SLC2A13: variants seen among roughly 807,000 people sequenced by gnomAD.
SLC2A13 encodes solute carrier family 2 member 13, also known as proton myo-inositol cotransporter.
In SLC2A13, 32 loss-of-function variants were observed where a neutral mutation model predicts 64.4. That is an observed-to-expected ratio of 0.50 (90% confidence interval 0.37 to 0.67). SLC2A13 has a LOEUF of 0.67. Ranked by LOEUF, SLC2A13 falls within the 30% of genes least tolerant of loss-of-function variation. The probability of loss-of-function intolerance (pLI) is 0.00; values close to 1 mark genes in which losing one functional copy is unlikely to be tolerated. For synonymous variants in SLC2A13, 338 were observed against 327.1 expected (o/e 1.03, Z -0.36); for missense variants, 743 against 829.2 (o/e 0.90, Z 1.28).
intron 4 of SLC2A13, among the ~76,000 whole-genome samples, chr12:39,905,474 T>A (rs1945246879): frequency 6.6e-6 from 1 of 152,162 alleles, no homozygotes; most frequent in Non-Finnish European, 1.5e-5. Flanking sequence ...ATTAAGTTTC[T>A]AGAAGAGTTG....
intron 2 of SLC2A13, among the ~76,000 whole-genome samples, chr12:40,047,058 C>T (rs1948182399): frequency 2.0e-5 from 3 of 152,042 alleles, no homozygotes; most frequent in Admixed American, 1.3e-4. Context: ...TGTGCCACCA[C>T]ACCTGGCTAA....
rs1946501309 is a variant in SLC2A13 at position 39,965,822 on chromosome 12, T to C, written c.926-14457A>G. Reference sequence around the variant, plus strand: ...TCTGAAACACAATCACTGAACCAAATCCAATGAAATACTGCTACATTAAAA... The same window carrying C: ...TCTGAAACACAATCACTGAACCAAACCCAATGAAATACTGCTACATTAAAA... On this transcript the variant is annotated intron_variant, in intron 3 of 9. Transcript: ENST00000280871. Among the ~76,000 whole-genome samples, 5 of 151,772 alleles carry C rather than the reference T, an allele frequency of 3.3e-5. 1 individual carries two copies. In the South Asian group the frequency reaches 1.0e-3, roughly 32 times the overall value.
At chr12:40,051,167 T>C (rs1043224411) in intron 1 of SLC2A13, among the ~76,000 whole-genome samples, 1 of 152,052 alleles carries the variant, frequency 6.6e-6, no homozygotes, top group African/African-American at 2.4e-5. Context: ...AATAACATGG[T>C]AAGGGTCATA....
At chr12:40,093,996 C>A (rs558236977) in intron 1 of SLC2A13, among the ~76,000 whole-genome samples, 1 of 152,092 alleles carries the variant, frequency 6.6e-6, no homozygotes, top group Non-Finnish European at 1.5e-5. Context: ...AGGGTGAACA[C>A]GTAGCAGACT....
intron 3 of SLC2A13, among the ~76,000 whole-genome samples, chr12:39,982,990 A>G (rs1360974108): frequency 1.4e-5 from 2 of 144,644 alleles, no homozygotes; most frequent in African/African-American, 5.0e-5. Flanking sequence ...ATATAGATCA[A>G]TGGAACAGAA....
intron 4 of SLC2A13, among the ~76,000 whole-genome samples, chr12:39,884,361 AT>A (rs1414479243): frequency 1.3e-5 from 2 of 152,172 alleles, no homozygotes; most frequent in Non-Finnish European, 2.9e-5. Context: ...AGACCCTTTA[AT>A]TTTTTCCTTC....
At chr12:39,927,418 T>C (rs1375239131) in intron 4 of SLC2A13, among the ~76,000 whole-genome samples, 1 of 152,178 alleles carries the variant, frequency 6.6e-6, no homozygotes, top group African/African-American at 2.4e-5. Context: ...AAGCATACTC[T>C]TGAGTTTTTT....
chr12:39,842,573 G>A (rs1299728303), intron 6 of SLC2A13, among the ~76,000 whole-genome samples: 4 of 151,976 alleles, frequency 2.6e-5, no homozygotes, highest in Admixed American at 6.6e-5. Flanking sequence ...AAAGTTCTAC[G>A]TGGAAAAGTG....
intron 1 of SLC2A13, among the ~76,000 whole-genome samples, chr12:40,074,498 G>T (rs1394979010): frequency 6.6e-6 from 1 of 152,012 alleles, no homozygotes; most frequent in African/African-American, 2.4e-5. Flanking sequence ...TAGTGTTTTT[G>T]ATCTCTAGCA....
Position 40,048,043 on chromosome 12 carries a change from T to A in SLC2A13, c.716+8A>T. On this transcript the variant is annotated splice_region_variant and intron_variant, in intron 2 of 9. Coordinates refer to ENST00000280871, the MANE Select transcript of SLC2A13 (RefSeq NM_052885.4). ...TTGAAAAATTAAATGTAAAAAGTAT[T>A]TACAAACCTCCATCCATCCTTCTGG... is the stretch of plus-strand genomic sequence containing the variant. The A allele has an allele frequency of 1.9e-6, 3 of 1,580,500 alleles. No homozygotes were observed. In the South Asian group the frequency reaches 3.5e-5, roughly 19 times the overall value.
At chr12:39,760,973 C>CACACACACACACACACACACACAT (rs1283150685) in intron 9 of SLC2A13, among the ~76,000 whole-genome samples, 26 of 151,332 alleles carry the variant, frequency 1.7e-4, no homozygotes, top group African/African-American at 6.1e-4. Context: ...CACACACACA[C>CACACACACACACACACACACACAT]ATAATTGAAT....
intron 4 of SLC2A13, among the ~76,000 whole-genome samples, chr12:39,897,232 A>T (rs1175977233): frequency 6.6e-6 from 1 of 152,168 alleles, no homozygotes; most frequent in East Asian, 1.9e-4. Context: ...AACCTACATG[A>T]CTAGCACATG....
At chr12:40,101,289 A>G (rs531674767) in intron 1 of SLC2A13, among the ~76,000 whole-genome samples, 1 of 152,264 alleles carries the variant, frequency 6.6e-6, no homozygotes, top group East Asian at 1.9e-4. Context: ...CAAAACAAAT[A>G]CACATATCCC....
chr12:39,935,945 T>C (rs1002140199), intron 4 of SLC2A13, among the ~76,000 whole-genome samples: 1 of 150,674 alleles, frequency 6.6e-6, no homozygotes, highest in African/African-American at 2.4e-5. Flanking sequence ...GTTATGAAAC[T>C]TGTAGCTTTA....
intron 3 of SLC2A13, among the ~76,000 whole-genome samples, chr12:40,006,471 C>T (rs1178980999): frequency 2.0e-5 from 3 of 152,078 alleles, no homozygotes; most frequent in Non-Finnish European, 4.4e-5. Context: ...AAGCATTTGC[C>T]ACCATAACTG....
chr12:40,015,724 C>T (rs144964756), intron 3 of SLC2A13, among the ~76,000 whole-genome samples: 57 of 152,226 alleles, frequency 3.7e-4, no homozygotes, highest in African/African-American at 1.2e-3. Context: ...TGTATATCCA[C>T]GAAAGCAGAC....
intron 6 of SLC2A13, among the ~76,000 whole-genome samples, chr12:39,849,662 C>T (rs1191991246): frequency 6.6e-6 from 1 of 152,138 alleles, no homozygotes; most frequent in Non-Finnish European, 1.5e-5. Flanking sequence ...TTCTCTCTGA[C>T]AGGATAATTA....
intron 3 of SLC2A13, among the ~76,000 whole-genome samples, chr12:39,996,680 C>T (rs558628931): frequency 3.9e-5 from 6 of 152,286 alleles, no homozygotes; most frequent in East Asian, 1.9e-4. Flanking sequence ...ACATAGAGTT[C>T]GGGCCGTGGC....
At position 39,760,096 on chromosome 12, in the gene SLC2A13, T is replaced by G; in HGVS notation, c.1877A>C (p.Tyr626Ser). ...TCCCTTTACCCGAATATATTCAATA[T>G]ATCTCCCTTCATCAGAATCTGAAGT... ...CGTSDSDEGRYIEYIRVKGSN... is the reference protein window; with the variant it reads ...CGTSDSDEGRSIEYIRVKGSN... Residue 626 changes from tyrosine (Y) to serine (S), a missense_variant, in exon 10 of 10, where the codon TAT becomes TCT. Tyr to Ser is a moderately radical substitution (Grantham distance 144). Transcript: ENST00000280871. 1 of 1,612,932 alleles carries G rather than the reference T, an allele frequency of 6.2e-7. No homozygotes were observed. Among genetic ancestry groups the G allele is most frequent in the Non-Finnish European group, 8.5e-7 (1 of 1,179,306 alleles).
Sources: gnomAD v4.1 joint callset for allele counts (sites outside exome capture counted in the v4.1 genomes callset) on GRCh38, gnomAD v4.1.1 for gene constraint, MANE v1.5 for transcripts, NCBI Gene and HGNC (gene_info 2026-07-23, HGNC 2026-07-21) for gene names.